Variants in ASS1 observed in about 807,000 individuals in gnomAD.
ASS1 encodes argininosuccinate synthase.
Under a neutral mutation model 60.5 loss-of-function variants are expected in ASS1, and 58 were observed. The observed-to-expected ratio is 0.96, with a 90% CI of 0.78 to 1.19. The LOEUF is 1.19. Ranked by LOEUF, ASS1 falls within the 50% of genes most tolerant of loss-of-function variation. The pLI is 0.00. For synonymous variants in ASS1, 200 were observed against 206.9 expected, an observed-to-expected ratio of 0.97 and a Z score of 0.29; for missense variants, 454 against 547.3, an observed-to-expected ratio of 0.83 and a Z score of 1.70.
rs148317451 is a variant in ASS1, at chr9:130,496,550, C to T, written c.1127+1527C>T. On this transcript the variant is annotated intron_variant, in intron 13 of 14. Coordinates refer to ENST00000352480, the MANE Select transcript of ASS1 (RefSeq NM_054012.4). The stretch of plus-strand genomic sequence containing the variant: ...AGGCTGCAGTGAGCCAGGATTGCAC[C>T]GCTGCACTCTAACCTTAGTAACAAA... Among the ~76,000 whole-genome samples the T allele has an allele frequency of 1.9e-3, 280 of 150,118 alleles. 2 individuals carry two copies. The highest frequency in any genetic ancestry group is 6.5e-3 in the African/African-American group (264 of 40,712).
intron 12 of ASS1, among the ~76,000 whole-genome samples, chr9:130,492,804 T>C (rs1846480508): frequency 6.6e-6 from 1 of 152,204 alleles, no homozygotes; most frequent in Non-Finnish European, 1.5e-5. Flanking sequence ...AGCTCAGCCC[T>C]AAGCCCCACC....
At chr9:130,474,810 G>C (rs1845975261) in intron 8 of ASS1, among the ~76,000 whole-genome samples, 1 of 152,234 alleles carries the variant, frequency 6.6e-6, no homozygotes, top group Non-Finnish European at 1.5e-5. Flanking sequence ...CCTGTGTTTA[G>C]CTTCCAAAGC....
At chr9:130,472,629 G>A (rs1406395871) in intron 8 of ASS1, among the ~76,000 whole-genome samples, 1 of 152,188 alleles carries the variant, frequency 6.6e-6, no homozygotes, top group Non-Finnish European at 1.5e-5. Context: ...CTGTCACTCA[G>A]GAGAGCTGCC....
Position 130,489,187 on chromosome 9 carries a change from C to A in ASS1, c.839-146C>A. 1 of 1,090,062 alleles carries A rather than the reference C, an allele frequency of 9.2e-7. No individual in the cohort carries two copies. Among genetic ancestry groups the A allele is most frequent in the Non-Finnish European group, 1.3e-6 (1 of 754,416 alleles). The allele number at this position is 1,090,062 out of a possible 1,614,324, so 67.5% of individuals were successfully genotyped here. A position where few individuals can be genotyped will look rare whatever the true frequency, so the allele number is the denominator to read the frequency against. On this transcript the variant is annotated intron_variant, in intron 11 of 14. Coordinates refer to ENST00000352480, the MANE Select transcript of ASS1 (RefSeq NM_054012.4). This position sits in a 1 kb window ranked among gnomAD's most constrained non-coding sequence, Gnocchi z 4.1. The stretch of plus-strand genomic sequence containing the variant: ...AATGACAGATGCATTTTGCAGCAAG[C>A]TGGGAGTGAATGGGTCCGGCCGGCT...
intron 6 of ASS1, among the ~76,000 whole-genome samples, chr9:130,468,042 G>A (rs532022315): frequency 8.5e-5 from 13 of 152,332 alleles, no homozygotes; most frequent in African/African-American, 3.1e-4. Context: ...AGGGAAAGAT[G>A]AGCATGGCCC....
chr9:130,449,544 T>A (rs1461240373), intron 1 of ASS1, among the ~76,000 whole-genome samples: 1 of 151,940 alleles, frequency 6.6e-6, no homozygotes. Context: ...TGGGCCAGCA[T>A]CATCAGATCA....
intron 8 of ASS1, among the ~76,000 whole-genome samples, chr9:130,474,011 C>T (rs1377010173): frequency 8.3e-6 from 1 of 120,110 alleles, no homozygotes. Context: ...CCCCCTAGCC[C>T]CCACCCCGAC....
At chr9:130,463,216 C>T (rs960037231) in intron 4 of ASS1, among the ~76,000 whole-genome samples, 1 of 152,260 alleles carries the variant, frequency 6.6e-6, no homozygotes, top group Non-Finnish European at 1.5e-5. Context: ...TTCCACAGCG[C>T]TTAAGTCTCC....
At chr9:130,479,848 G>T (rs775812127) in intron 10 of ASS1, 48 bp downstream of exon 10, 4 of 1,564,072 alleles carry the variant, frequency 2.6e-6, no homozygotes, top group Non-Finnish European at 2.6e-6. Flanking sequence ...GCCGTCTCGG[G>T]CGAGCACGAG....
intron 5 of ASS1, among the ~76,000 whole-genome samples, 192 bp downstream of exon 5, chr9:130,464,359 T>TCCCC (rs1845675807): frequency 6.6e-6 from 1 of 152,050 alleles, no homozygotes; most frequent in Non-Finnish European, 1.5e-5. Context: ...CACACTTTCT[T>TCCCC]CCCCGCCATT....
In ASS1 at chr9:130,494,880, C is replaced by T. The variant is rs1213934431; in HGVS notation, c.984C>T (p.Ser328=). The stretch of plus-strand genomic sequence containing the variant: ...TCCTCCCTGTAGGTTTCTGGCACAG[C>T]CCTGAGTGTGAATTTGTCCGCCACT... ...AELVYTGFWH[S]PECEFVRHCI... is the part of the protein sequence containing the mutation. Residue 328 remains serine (S), a synonymous_variant, in exon 13 of 15, where the codon AGC becomes AGT. Transcript: ENST00000352480. This position sits in a 1 kb window ranked among gnomAD's most constrained non-coding sequence, Gnocchi z 4.3. 1.7e-5 allele frequency: 27 copies of T among 1,613,408 alleles called. No homozygotes were observed. The highest frequency in any genetic ancestry group is 2.2e-5 in the Non-Finnish European group (26 of 1,179,868).
At chr9:130,469,884 C>T (rs1353010308) in intron 6 of ASS1, among the ~76,000 whole-genome samples, 5 of 152,054 alleles carry the variant, frequency 3.3e-5, no homozygotes, top group Non-Finnish European at 7.4e-5. Flanking sequence ...GTGGTTCCCA[C>T]AGGGATCCAG....
intron 1 of ASS1, among the ~76,000 whole-genome samples, chr9:130,447,122 A>G (rs1434506764): frequency 6.6e-6 from 1 of 152,220 alleles, no homozygotes; most frequent in East Asian, 1.9e-4. Context: ...CTCCAGAGAA[A>G]TAGTGGGCAG....
At chr9:130,462,105 C>T (rs1845610660) in intron 4 of ASS1, among the ~76,000 whole-genome samples, 1 of 152,198 alleles carries the variant, frequency 6.6e-6, no homozygotes, top group South Asian at 2.1e-4. Context: ...CCTGCCCACC[C>T]AGAGAGCTGC....
At chr9:130,475,765 G>C (rs955864245) in intron 8 of ASS1, among the ~76,000 whole-genome samples, 2 of 140,242 alleles carry the variant, frequency 1.4e-5, no homozygotes, top group Admixed American at 7.2e-5. Flanking sequence ...TTTTTTTGGT[G>C]GGGGGGTGGG....
In ASS1 at chr9:130,454,392, G is replaced by A. The variant is rs770004019; in HGVS notation, c.174+19G>A. ...CAAAAAGGTACCAGGCGGGAGGCAG[G>A]GATTTGGGCTGGGAGTGGGGCGGTG... On this transcript the variant is annotated intron_variant, in intron 3 of 14. Coordinates refer to ENST00000352480, the MANE Select transcript of ASS1 (RefSeq NM_054012.4). 1.9e-6 allele frequency: 3 copies of A among 1,612,050 alleles called. No individual in the cohort carries two copies. Among genetic ancestry groups the A allele is most frequent in the Non-Finnish European group, 2.5e-6 (3 of 1,178,966 alleles).
chr9:130,469,165 A>T (rs770030410), intron 6 of ASS1, among the ~76,000 whole-genome samples: 2 of 152,214 alleles, frequency 1.3e-5, no homozygotes, highest in Non-Finnish European at 2.9e-5. Context: ...GACGGAGCCC[A>T]GCAGGCCACC....
intron 3 of ASS1, among the ~76,000 whole-genome samples, chr9:130,456,571 T>C (rs1439391568): frequency 6.6e-6 from 1 of 152,218 alleles, no homozygotes; most frequent in Non-Finnish European, 1.5e-5. Flanking sequence ...TTTTATTTCA[T>C]TTTTTAAAAG....
At position 130,466,793 on chromosome 9, in the gene ASS1, C is replaced by A. The variant is rs377319610; in HGVS notation, c.489C>A (p.Tyr163Ter). 6.2e-7 allele frequency: 1 copy of A among 1,614,026 alleles called. No homozygotes were observed. The highest frequency in any genetic ancestry group is 1.1e-5 in the South Asian group (1 of 91,086). The change falls in exon 6 of 15, where the codon TAC becomes TAA. Residue 163 changes from tyrosine to a stop codon, truncating the protein, a stop_gained. Transcript: ENST00000352480. LOFTEE classifies it high-confidence loss of function. ...RFKGRNDLME[Y>*]AKQHGIPIPV... is the part of the protein sequence containing the mutation. ...AGGGCCGCAATGACCTGATGGAGTA[C>A]GCAAAGGTATGGCCGAGTCTCCCCA...
Sources: allele counts gnomAD v4.1 joint callset (sites outside exome capture counted in the v4.1 genomes callset), GRCh38; gene constraint gnomAD v4.1.1; non-coding constraint Gnocchi (gnomAD v3.1); transcripts MANE v1.5; gene names NCBI Gene and HGNC (gene_info 2026-07-23, HGNC 2026-07-21).